The following RNF149 variants were observed in gnomAD, a reference collection of about 807,000 sequenced individuals.
RNF149 encodes the protein ring finger protein 149.
Under a neutral mutation model 39.0 loss-of-function variants are expected in RNF149, and 21 were observed. The ratio of observed to expected loss-of-function variants is 0.54; its 90% CI spans 0.38 to 0.77. The LOEUF (loss-of-function observed/expected upper bound fraction) is 0.77. RNF149 is among the 30% of genes least tolerant of loss of function. RNF149 has a pLI of 0.00. For missense variants in RNF149, 493 were observed against 534.9 expected (o/e 0.92, Z 0.77); for synonymous variants, 209 against 213.6 (o/e 0.98, Z 0.19).
downstream of RNF149, among the ~76,000 whole-genome samples, chr2:101,275,111 GTTTTTTTTTTT>G (rs1165388203): frequency 3.9e-5 from 2 of 51,056 alleles, no homozygotes; most frequent in Non-Finnish European, 6.5e-5. Flanking sequence ...TAGTATTTCT[GTTTTTTTTTTT>G]TTTTTTTTTT....
intron 1 of RNF149, among the ~76,000 whole-genome samples, chr2:101,298,825 G>T (rs879569274): frequency 1.3e-5 from 2 of 152,180 alleles, no homozygotes; most frequent in Non-Finnish European, 2.9e-5. Flanking sequence ...TGCACAGTAA[G>T]AATTCTGTAC....
chr2:101,274,817 G>A (rs1430602731), downstream of RNF149, among the ~76,000 whole-genome samples: 1 of 152,104 alleles, frequency 6.6e-6, no homozygotes, highest in East Asian at 1.9e-4. Context: ...ATGGAGTTTT[G>A]CTCTTGTTGC....
Position 101,308,269 on chromosome 2 carries a change from G to T in RNF149, c.320C>A (p.Ala107Glu). Residue 107 changes from alanine to glutamate, a missense_variant, in exon 1 of 7, where the codon GCG becomes GAG. Physicochemically the swap from Ala to Glu is moderately radical, Grantham distance 107. Transcript: ENST00000295317. The stretch of plus-strand genomic sequence containing the variant: ...ACGAGCCACCAGGGCGACCCAGGGC[G>T]CGGCCCCTCGGCCGCCGGGCTCGGG... Reference protein sequence around the residue: ...FVPEPGGRGAAPWVALVARGG... With the variant: ...FVPEPGGRGAEPWVALVARGG... The T allele has an allele frequency of 1.3e-6, 2 of 1,580,394 alleles. No homozygotes were observed. Among genetic ancestry groups the T allele is most frequent in the Non-Finnish European group, 8.6e-7 (1 of 1,165,384 alleles).
intron 1 of RNF149, among the ~76,000 whole-genome samples, chr2:101,303,228 G>A (rs1683521671): frequency 6.6e-6 from 1 of 151,440 alleles, no homozygotes. Context: ...CTATTCTCAT[G>A]TCTCAGCCTC....
Position 101,294,097 on chromosome 2 carries a change from T to C in RNF149, c.712-15A>G, listed in dbSNP as rs371933125. 1.7e-5 allele frequency: 24 copies of C among 1,393,208 alleles called. No individual in the cohort carries two copies. Among genetic ancestry groups the C allele is most frequent in the Non-Finnish European group, 2.2e-5 (22 of 987,100 alleles). The allele number at this position is 1,393,208 out of a possible 1,614,324, so 86.3% of individuals were successfully genotyped here. A position where few individuals can be genotyped will look rare whatever the true frequency, so the allele number is the denominator to read the frequency against. On this transcript the variant is annotated splice_polypyrimidine_tract_variant and intron_variant, in intron 2 of 6. Transcript: ENST00000295317. ...TTTCTATGGCTCTTGGGTAGGAAAA[T>C]ATTAATACAGTTATTGAAAAATTTA...
intron 5 of RNF149, among the ~76,000 whole-genome samples, chr2:101,283,503 A>G (rs955176845): frequency 4.6e-5 from 7 of 152,318 alleles, no homozygotes; most frequent in African/African-American, 1.7e-4. Context: ...TTATGGGGAA[A>G]TAGAAAACTA....
intron 1 of RNF149, 184 bp downstream of exon 1, chr2:101,307,945 C>G: frequency 2.0e-6 from 2 of 985,474 alleles, no homozygotes; most frequent in Non-Finnish European, 2.4e-6. Context: ...GACTTACCTC[C>G]CTCCCAACAG....
At chr2:101,275,527 T>C (rs1222625717), downstream of RNF149, among the ~76,000 whole-genome samples, 1 of 135,976 alleles carries the variant, frequency 7.4e-6, no homozygotes, top group South Asian at 2.6e-4. Flanking sequence ...CTGCAAGCTC[T>C]GCCTTCCGGG....
chr2:101,288,511 G>A (rs1283417241), intron 4 of RNF149, among the ~76,000 whole-genome samples: 1 of 152,060 alleles, frequency 6.6e-6, no homozygotes, highest in African/African-American at 2.4e-5. Context: ...GAGCCACAGT[G>A]CCCAGCCAGG....
chr2:101,296,885 C>T (rs1683253866), intron 1 of RNF149, among the ~76,000 whole-genome samples: 1 of 151,968 alleles, frequency 6.6e-6, no homozygotes, highest in Non-Finnish European at 1.5e-5. Context: ...AAAATTTTCA[C>T]CATGAGTAAA....
At chr2:101,289,148 T>G in intron 3 of RNF149, 93 bp from the exon 4 acceptor site, 5 of 691,206 alleles carry the variant, frequency 7.2e-6, no homozygotes, top group Non-Finnish European at 7.7e-6. Flanking sequence ...AATGACGAAT[T>G]CCCTTCTACA....
chr2:101,276,336 G>A lies in RNF149; in HGVS notation c.*902C>T. ...GCAAGCAAGTAAAAAAGAAGAAACGGTTAAGCAAGGTCATGGTATTAAATC... is the reference window on the plus strand; with the variant it reads ...GCAAGCAAGTAAAAAAGAAGAAACGATTAAGCAAGGTCATGGTATTAAATC... On this transcript the variant is annotated 3_prime_UTR_variant, in exon 7 of 7. Transcript: ENST00000295317. 5.1e-6 allele frequency: 5 copies of A among 985,760 alleles called. No homozygotes were observed. Among genetic ancestry groups the A allele is most frequent in the Non-Finnish European group, 6.0e-6 (5 of 829,896 alleles). 61.1% of individuals were successfully genotyped at this position (985,760 alleles called of 1,614,324 possible). A position where few individuals can be genotyped will look rare whatever the true frequency, so the allele number is the denominator to read the frequency against.
chr2:101,298,974 A>T (rs972107246), intron 1 of RNF149, among the ~76,000 whole-genome samples: 1 of 152,122 alleles, frequency 6.6e-6, no homozygotes, highest in Admixed American at 6.6e-5. Context: ...ACATGGTGAA[A>T]CCCCGTCTCT....
intron 1 of RNF149, 33 bp downstream of exon 1, chr2:101,308,096 C>A (rs1683748137): frequency 1.9e-6 from 3 of 1,599,100 alleles, no homozygotes; most frequent in South Asian, 1.1e-5. Flanking sequence ...GCCGCGAAGT[C>A]CCCCTCCCGT....
At chr2:101,286,604 A>G (rs1682803646) in intron 4 of RNF149, 1 of 155,194 alleles carries the variant, frequency 6.4e-6, no homozygotes, top group Admixed American at 6.5e-5. Flanking sequence ...TGGTAGGCTT[A>G]TGCAACACTT....
Position 101,294,961 on chromosome 2 carries a change from G to C in RNF149, c.681C>G (p.Phe227Leu), listed in dbSNP as rs770502409. The change falls in exon 2 of 7, where the codon TTC becomes TTG. Residue 227 changes from phenylalanine (F) to leucine (L), a missense_variant. Phe to Leu is a conservative substitution (Grantham distance 22). Transcript: ENST00000295317. ...AWLIFYYIQR[F>L]LYTGSQIGSQ... The stretch of plus-strand genomic sequence containing the variant: ...TTCCAATCTGAGAGCCAGTATATAG[G>C]AAACGCTGTATATAGTAAAATATTA... 6.2e-7 allele frequency: 1 copy of C among 1,613,724 alleles called. No individual in the cohort carries two copies. The highest frequency in any genetic ancestry group is 8.5e-7 in the Non-Finnish European group (1 of 1,179,722).
chr2:101,298,418 C>T (rs1683325551), intron 1 of RNF149, among the ~76,000 whole-genome samples: 2 of 152,026 alleles, frequency 1.3e-5, no homozygotes, highest in South Asian at 2.1e-4. Flanking sequence ...GAGCAAGACA[C>T]TGTCTCAAAA....
intron 1 of RNF149, among the ~76,000 whole-genome samples, chr2:101,299,797 T>C (rs1213520764): frequency 2.0e-5 from 3 of 152,312 alleles, no homozygotes; most frequent in East Asian, 3.9e-4. Flanking sequence ...GGCCACACTA[T>C]CATTCTACAG....
chr2:101,281,528 C>A, intron 6 of RNF149: 1 of 169,946 alleles, frequency 5.9e-6, no homozygotes, highest in Non-Finnish European at 1.2e-5. Flanking sequence ...CAGGGTCTTG[C>A]TCTGTCACCC....
Sources: allele counts gnomAD v4.1 joint callset (sites outside exome capture counted in the v4.1 genomes callset), GRCh38; gene constraint gnomAD v4.1.1; transcripts MANE v1.5; gene names NCBI Gene and HGNC (gene_info 2026-07-23, HGNC 2026-07-21).